SMIM27: variants seen among roughly 807,000 people sequenced by gnomAD.
The protein encoded by SMIM27 is TOPORS antisense RNA 1 (non-protein coding).
In SMIM27, 3 loss-of-function variants were observed where a neutral mutation model predicts 1.8. That is an observed-to-expected ratio of 1.65 (90% confidence interval 0.75 to 4.28). SMIM27 has a LOEUF of 4.28. SMIM27 is among the 30% of genes most tolerant of loss of function. The pLI is 0.02. For missense variants in SMIM27, 63 were observed against 37.0 expected (o/e 1.70, Z -1.83); for synonymous variants, 19 against 13.9 (o/e 1.37, Z -0.82).
chr9:32,560,138 G>T (rs1197310117), intron 1 of SMIM27, among the ~76,000 whole-genome samples: 1 of 152,248 alleles, frequency 6.6e-6, no homozygotes, highest in African/African-American at 2.4e-5. Context: ...CAGCAAAGGA[G>T]TGAGCTGAAG....
At chr9:32,564,729 A>G (rs1388638377) in intron 1 of SMIM27, among the ~76,000 whole-genome samples, 2 of 152,150 alleles carry the variant, frequency 1.3e-5, no homozygotes, top group African/African-American at 4.8e-5. Flanking sequence ...ATATTATCTG[A>G]GATGATAGTA....
chr9:32,551,403 C>G (rs1369179927), upstream of SMIM27: 6 of 328,958 alleles, frequency 1.8e-5, no homozygotes. Flanking sequence ...ACCAGGAGTC[C>G]AACGGGATCC....
downstream of SMIM27, chr9:32,553,009 C>T: frequency 1.7e-6 from 1 of 593,082 alleles, no homozygotes; most frequent in Non-Finnish European, 3.0e-6. Flanking sequence ...TGCAAAGTTC[C>T]CAAGTTTATT....
downstream of SMIM27, among the ~76,000 whole-genome samples, chr9:32,554,250 G>A (rs1821391274): frequency 1.3e-5 from 2 of 152,184 alleles, no homozygotes; most frequent in Non-Finnish European, 2.9e-5. Context: ...AATAAATGGA[G>A]GCCCCAGAAA....
At position 32,552,367 on chromosome 9, in the gene SMIM27, C is replaced by T. The variant is rs756551483; in HGVS notation, c.-68C>T. Reference sequence around the variant, plus strand: ...ATGGCTGCTGGCGCCTGGCAGCCACCGCCTGGGAGGTTACTGTAAGGCCCG... The same window carrying T: ...ATGGCTGCTGGCGCCTGGCAGCCACTGCCTGGGAGGTTACTGTAAGGCCCG... On this transcript the variant is annotated 5_prime_UTR_variant, in exon 1 of 2. Transcript: ENST00000692500. 1.3e-6 allele frequency: 2 copies of T among 1,591,192 alleles called. No homozygotes were observed. Among genetic ancestry groups the T allele is most frequent in the Admixed American group, 3.5e-5 (2 of 56,896 alleles).
intron 1 of SMIM27, among the ~76,000 whole-genome samples, chr9:32,562,306 C>T (rs1411092914): frequency 4.6e-5 from 7 of 152,154 alleles, no homozygotes; most frequent in Non-Finnish European, 8.8e-5. Flanking sequence ...CTAGGCACTC[C>T]GTACTTGTTA....
chr9:32,552,263 G>GC (rs771741214), upstream of SMIM27: 34 of 853,194 alleles, frequency 4.0e-5, no homozygotes, highest in Admixed American at 1.1e-4. Flanking sequence ...ACGTGATACC[G>GC]CCCCCCAACT....
chr9:32,566,541 G>A, exon 2 of SMIM27: 2 of 772,776 alleles, frequency 2.6e-6, no homozygotes, highest in Non-Finnish European at 4.8e-6. Context: ...CTCCTCTGTT[G>A]TATAGCTGCC....
upstream of SMIM27, chr9:32,551,499 C>T (rs1007964903): frequency 7.5e-6 from 2 of 267,344 alleles, no homozygotes; most frequent in Admixed American, 9.3e-5. Flanking sequence ...CCTAACAAAA[C>T]AGGGCCTGGA....
intron 1 of SMIM27, chr9:32,566,149 C>T (rs1821782247): frequency 2.9e-6 from 2 of 683,178 alleles, no homozygotes; most frequent in African/African-American, 1.8e-5. Context: ...GTGTATATGT[C>T]ACTGGCGCTT....
At chr9:32,564,138 G>A (rs976708143) in intron 1 of SMIM27, among the ~76,000 whole-genome samples, 1 of 152,058 alleles carries the variant, frequency 6.6e-6, no homozygotes, top group African/African-American at 2.4e-5. Context: ...ACACAAACAC[G>A]CATGCACACA....
intron 1 of SMIM27, among the ~76,000 whole-genome samples, chr9:32,561,253 C>T (rs556218784): frequency 6.0e-4 from 92 of 152,254 alleles, no homozygotes; most frequent in African/African-American, 2.1e-3. Flanking sequence ...GTTTCTAACA[C>T]ATAAGACAGG....
chr9:32,552,175 A>AG, upstream of SMIM27: 1 of 29,292 alleles, frequency 3.4e-5, no homozygotes, highest in Admixed American at 4.1e-4. Context: ...CTTAGTTGGC[A>AG]AAAAAAAAAA....
downstream of SMIM27, chr9:32,553,837 A>C (rs747120335): frequency 1.6e-5 from 22 of 1,340,000 alleles, no homozygotes; most frequent in Non-Finnish European, 2.3e-5. Context: ...TATAGGAACA[A>C]ACTTAGGCTC....
intron 1 of SMIM27, among the ~76,000 whole-genome samples, chr9:32,565,861 A>G (rs1196874505): frequency 4.6e-5 from 7 of 152,110 alleles, no homozygotes; most frequent in Non-Finnish European, 1.0e-4. Context: ...AATCCTAGCT[A>G]CTTGGGAGGT....
chr9:32,565,238 A>G (rs1327568431), intron 1 of SMIM27, among the ~76,000 whole-genome samples: 1 of 151,944 alleles, frequency 6.6e-6, no homozygotes, highest in Admixed American at 6.6e-5. Context: ...GGTCGCAGTG[A>G]GCCGAGATCG....
At chr9:32,560,219 T>A (rs1422239642) in intron 1 of SMIM27, among the ~76,000 whole-genome samples, 3 of 152,192 alleles carry the variant, frequency 2.0e-5, no homozygotes, top group African/African-American at 7.2e-5. Flanking sequence ...GTAAGGTAAG[T>A]GAGTGGCTCT....
chr9:32,564,129 C>T (rs1019001256), intron 1 of SMIM27, among the ~76,000 whole-genome samples: 1 of 152,158 alleles, frequency 6.6e-6, no homozygotes, highest in African/African-American at 2.4e-5. Context: ...AATATGTACA[C>T]ACAAACACGC....
At chr9:32,554,055 G>C (rs1259863586), downstream of SMIM27, 4 of 641,548 alleles carry the variant, frequency 6.2e-6, no homozygotes, top group Non-Finnish European at 1.1e-5. Context: ...TTGAGTTCTG[G>C]CATTCCCTTT....
Sources: gnomAD v4.1 joint callset for allele counts (sites outside exome capture counted in the v4.1 genomes callset) on GRCh38, gnomAD v4.1.1 for gene constraint, MANE v1.5 for transcripts, NCBI Gene and HGNC (gene_info 2026-07-23, HGNC 2026-07-21) for gene names.